Variants in SEC31A observed in about 807,000 individuals in gnomAD.
SEC31A encodes the protein SEC31 homolog A, COPII component, also known as protein transport protein Sec31A.
In SEC31A, 70 loss-of-function variants were observed where a neutral mutation model predicts 151.0. The ratio of observed to expected loss-of-function variants is 0.46; its 90% CI spans 0.38 to 0.57. The LOEUF is 0.57. Among genes scored for constraint, SEC31A ranks in the 20% least tolerant of loss-of-function variants. The probability of loss-of-function intolerance (pLI) is 0.00; values close to 1 mark genes in which losing one functional copy is unlikely to be tolerated. For synonymous variants in SEC31A, 475 were observed against 505.9 expected (o/e 0.94, Z 0.82); for missense variants, 1,330 against 1,471.2 (o/e 0.90, Z 1.57).
chr4:82,882,015 A>G (rs936583846), intron 1 of SEC31A, 75 bp from the exon 2 acceptor site: 1 of 1,145,586 alleles, frequency 8.7e-7, no homozygotes, highest in Non-Finnish European at 1.3e-6. Flanking sequence ...TATTTTAAAT[A>G]GAAACATACT....
intron 11 of SEC31A, 133 bp downstream of exon 11, chr4:82,864,229 T>C (rs918792475): frequency 1.5e-6 from 1 of 678,720 alleles, no homozygotes; most frequent in Non-Finnish European, 2.5e-6. Context: ...TTATAAGGCT[T>C]CTTAATTTCA....
intron 22 of SEC31A, among the ~76,000 whole-genome samples, chr4:82,839,433 G>C (rs962472113): frequency 2.0e-5 from 3 of 152,168 alleles, no homozygotes; most frequent in African/African-American, 7.2e-5. Context: ...TTACAGGCAT[G>C]AGCCACCGCG....
intron 1 of SEC31A, among the ~76,000 whole-genome samples, chr4:82,888,376 C>T (rs1301888463): frequency 1.4e-3 from 8 of 5,828 alleles, no homozygotes; most frequent in African/African-American, 5.0e-3. Flanking sequence ...AAAAAAAACA[C>T]ACAAAAAACA....
At chr4:82,899,670 T>C (rs1047021929) in intron 3 of SEC31A, 5 of 152,622 alleles carry the variant, frequency 3.3e-5, no homozygotes, top group African/African-American at 4.8e-5. Flanking sequence ...TCAGAGAAGA[T>C]ACAAGCATAT....
At chr4:82,844,279 A>T in intron 21 of SEC31A, 107 bp downstream of exon 21, 1 of 1,234,450 alleles carries the variant, frequency 8.1e-7, no homozygotes, top group Non-Finnish European at 1.1e-6. Context: ...CCTATGCACA[A>T]TGGTTCTTAC....
At chr4:82,888,372 AACACAC>A (rs1553938372) in intron 1 of SEC31A, among the ~76,000 whole-genome samples, 1 of 42,956 alleles carries the variant, frequency 2.3e-5, no homozygotes, top group Non-Finnish European at 5.7e-5. Flanking sequence ...AAAAAAAAAA[AACACAC>A]AAAAAACATA....
chr4:82,878,997 A>G, intron 3 of SEC31A, 69 bp from the exon 4 acceptor site: 2 of 1,160,306 alleles, frequency 1.7e-6, no homozygotes, highest in Non-Finnish European at 2.5e-6. Flanking sequence ...AATTGAAATT[A>G]TACACTTAAT....
chr4:82,851,353 A>G, intron 19 of SEC31A, 78 bp downstream of exon 19: 1 of 1,149,492 alleles, frequency 8.7e-7, no homozygotes, highest in Admixed American at 2.3e-5. Context: ...ACCTACTAAT[A>G]TGTTTACATC....
chr4:82,830,138 C>T (rs1209446365), intron 22 of SEC31A, among the ~76,000 whole-genome samples: 1 of 152,178 alleles, frequency 6.6e-6, no homozygotes, highest in Non-Finnish European at 1.5e-5. Context: ...AGATCTTCAA[C>T]TAACCACCAG....
intron 22 of SEC31A, among the ~76,000 whole-genome samples, chr4:82,839,624 T>C (rs1394213011): frequency 6.6e-6 from 1 of 152,220 alleles, no homozygotes; most frequent in Non-Finnish European, 1.5e-5. Context: ...CAAAAACTTT[T>C]AGGAAATCCA....
chr4:82,860,044 G>A (rs1042254123), intron 14 of SEC31A, among the ~76,000 whole-genome samples: 2 of 151,990 alleles, frequency 1.3e-5, no homozygotes, highest in African/African-American at 2.4e-5. Context: ...TGCCCGCCTC[G>A]GCCTCCCAAA....
chr4:82,827,111 T>G (rs1465982289), intron 24 of SEC31A, among the ~76,000 whole-genome samples: 1 of 152,252 alleles, frequency 6.6e-6, no homozygotes, highest in African/African-American at 2.4e-5. Flanking sequence ...TGATTTTAAA[T>G]TGTAGCTACT....
In SEC31A at chr4:82,887,120, AG is replaced by A. The variant is rs536929294; in HGVS notation, c.-5+3967del. 1.1e-3 allele frequency among the ~76,000 whole-genome samples: 169 copies of A among 152,312 alleles called. 1 individual carries two copies. The highest frequency in any genetic ancestry group is 6.9e-4 in the Non-Finnish European group (47 of 68,022). On this transcript the variant is annotated intron_variant, in intron 1 of 26. Coordinates refer to ENST00000395310, the MANE Select transcript of SEC31A (RefSeq NM_001077207.4). Reference sequence around the variant, plus strand: ...TTTAAAAAAGGAGAAAGTATGGTTAAGGGGGAAAAGGTTATAAGATGCCTTC... The same window carrying A: ...TTTAAAAAAGGAGAAAGTATGGTTAAGGGGAAAAGGTTATAAGATGCCTTC...
chr4:82,824,426 A>C (rs1724085983), intron 25 of SEC31A, 129 bp downstream of exon 25: 1 of 914,464 alleles, frequency 1.1e-6, no homozygotes, highest in South Asian at 1.8e-5. Context: ...GATGGTCTTG[A>C]ACTCCTGGCT....
At chr4:82,858,360 A>G (rs1733196613) in intron 14 of SEC31A, among the ~76,000 whole-genome samples, 1 of 152,024 alleles carries the variant, frequency 6.6e-6, no homozygotes, top group Non-Finnish European at 1.5e-5. Context: ...CCTGGCCAAC[A>G]TGGTGAAACC....
chr4:82,858,575 A>C, intron 14 of SEC31A, among the ~76,000 whole-genome samples: 1 of 147,740 alleles, frequency 6.8e-6, no homozygotes, highest in Non-Finnish European at 1.5e-5. Context: ...AAAAAAGAAC[A>C]CTATTAAATA....
chr4:82,864,714 T>A, intron 10 of SEC31A, 116 bp from the exon 11 acceptor site: 2 of 700,852 alleles, frequency 2.9e-6, no homozygotes, highest in Non-Finnish European at 2.4e-6. Context: ...CAACCTCTCA[T>A]GCGCCACAGT....
chr4:82,863,476 G>A (rs566960326), intron 11 of SEC31A, 84 bp from the exon 12 acceptor site: 18 of 729,340 alleles, frequency 2.5e-5, no homozygotes, highest in Non-Finnish European at 3.7e-5. Flanking sequence ...ATTCCAAAGA[G>A]AATTATTAAA....
At chr4:82,899,397 A>AT (rs1175838308) in intron 3 of SEC31A, 1 of 152,194 alleles carries the variant, frequency 6.6e-6, no homozygotes, top group African/African-American at 2.4e-5. Flanking sequence ...AAGGCAACTA[A>AT]TTTTTTCCTT....
Sources: allele counts gnomAD v4.1 joint callset (sites outside exome capture counted in the v4.1 genomes callset), GRCh38; gene constraint gnomAD v4.1.1; transcripts MANE v1.5; gene names NCBI Gene and HGNC (gene_info 2026-07-23, HGNC 2026-07-21).